Variants in TEX2 observed in about 807,000 individuals in gnomAD.
TEX2 encodes testis-expressed protein 2.
In TEX2, 53 loss-of-function variants were observed where a neutral mutation model predicts 106.9. That is an observed-to-expected ratio of 0.50 (90% CI 0.40 to 0.62). The LOEUF (loss-of-function observed/expected upper bound fraction) is 0.62. Ranked by LOEUF, TEX2 falls within the 20% of genes least tolerant of loss-of-function variation. TEX2 has a pLI of 0.00. For synonymous variants in TEX2, 523 were observed against 534.8 expected, an observed-to-expected ratio of 0.98 and a Z score of 0.30; for missense variants, 1,207 against 1,379.0, an observed-to-expected ratio of 0.88 and a Z score of 1.98.
chr17:64,188,405 A>C lies in TEX2; in HGVS notation c.2187T>G (p.Pro729=). The C allele has an allele frequency of 1.2e-6, 2 of 1,614,220 alleles. No individual in the cohort carries two copies. The highest frequency in any genetic ancestry group is 1.7e-6 in the Non-Finnish European group (2 of 1,180,034). The change falls in exon 5 of 12, where the codon CCT becomes CCG. Residue 729 remains proline (P), a synonymous_variant. Coordinates refer to ENST00000584379, the MANE Select transcript of TEX2 (RefSeq NM_001288732.2). ...GVSGGKPGLL[P]AHSRHNSPSG... ...ACGGACTGTTGTGTCTGCTGTGTGC[A>C]GGCAAAAGCCCTGGAGCCAAGAAGA... is the stretch of plus-strand genomic sequence containing the variant.
intron 5 of TEX2, 51 bp from the exon 6 acceptor site, chr17:64,177,522 G>A: frequency 6.3e-7 from 1 of 1,586,038 alleles, no homozygotes; most frequent in Non-Finnish European, 8.6e-7. Context: ...TGGAGAATAA[G>A]ACAGGTGCTT....
chr17:64,233,086 G>A (rs1040718689), intron 1 of TEX2, among the ~76,000 whole-genome samples: 2 of 152,194 alleles, frequency 1.3e-5, no homozygotes, highest in Non-Finnish European at 2.9e-5. Flanking sequence ...TATCATGATT[G>A]TGGAGTTTCA....
At chr17:64,230,055 G>A (rs1034892622) in intron 1 of TEX2, among the ~76,000 whole-genome samples, 8 of 152,162 alleles carry the variant, frequency 5.3e-5, no homozygotes, top group Non-Finnish European at 1.0e-4. Flanking sequence ...GTTATTTATA[G>A]GTAAGGCATC....
chr17:64,181,041 C>T (rs976315438), intron 5 of TEX2, among the ~76,000 whole-genome samples: 6 of 152,302 alleles, frequency 3.9e-5, no homozygotes, highest in Middle Eastern at 3.4e-3. Context: ...ATTATAAAAA[C>T]AATGCATATT....
Position 64,151,041 on chromosome 17 carries a change from T to A in TEX2, c.3141-80A>T. ...GCACTGACAGCAAACAGTTCTCATTTACATGGGGCTTTATCACTACTTAAA... is the reference window on the plus strand; with the variant it reads ...GCACTGACAGCAAACAGTTCTCATTAACATGGGGCTTTATCACTACTTAAA... On this transcript the variant is annotated intron_variant, in intron 10 of 11. Coordinates refer to ENST00000584379, the MANE Select transcript of TEX2 (RefSeq NM_001288732.2). 3 of 1,474,206 alleles carry A rather than the reference T, an allele frequency of 2.0e-6. No homozygotes were observed. The East Asian group carries it at 6.9e-5, about 34-fold the overall frequency. 91.3% of individuals were successfully genotyped at this position (1,474,206 alleles called of 1,614,324 possible). A position where few individuals can be genotyped will look rare whatever the true frequency, so the allele number is the denominator to read the frequency against.
chr17:64,214,191 G>A lies in TEX2; in HGVS notation c.27C>T (p.Ala9=), dbSNP rs369722027. The A allele has an allele frequency of 2.0e-5, 32 of 1,613,792 alleles. No individual in the cohort carries two copies. Among genetic ancestry groups the A allele is most frequent in the South Asian group, 4.4e-5 (4 of 91,082 alleles). The change falls in exon 2 of 12, where the codon GCC becomes GCT. Residue 9 remains alanine, a synonymous_variant. Coordinates refer to ENST00000584379, the MANE Select transcript of TEX2 (RefSeq NM_001288732.2). MTSLYGRH[A]EKTTDMPKPS... ...GTTTTGGCATGTCAGTGGTTTTCTCGGCATGGCGACCATACAGACTTGTCA... is the reference window on the plus strand; with the variant it reads ...GTTTTGGCATGTCAGTGGTTTTCTCAGCATGGCGACCATACAGACTTGTCA...
Position 64,197,679 on chromosome 17 carries a change from C to T in TEX2, c.1645-2584G>A, listed in dbSNP as rs1174215805. The stretch of plus-strand genomic sequence containing the variant: ...GCTCAATTAATCCTCCCACCTCAGC[C>T]TCCCAAGTAGCAAGGGCTACAGATA... On this transcript the variant is annotated intron_variant, in intron 2 of 11. Coordinates refer to ENST00000584379, the MANE Select transcript of TEX2 (RefSeq NM_001288732.2). Among the ~76,000 whole-genome samples, 3 of 152,158 alleles carry T rather than the reference C, an allele frequency of 2.0e-5. No homozygotes were observed. In the East Asian group the frequency reaches 5.8e-4, roughly 29 times the overall value.
At chr17:64,229,119 A>G (rs1384688504) in intron 1 of TEX2, among the ~76,000 whole-genome samples, 1 of 152,234 alleles carries the variant, frequency 6.6e-6, no homozygotes, top group Non-Finnish European at 1.5e-5. Flanking sequence ...AAGAAAGTCT[A>G]TCTGTAGGAT....
At chr17:64,242,445 CT>C (rs1555635862) in intron 1 of TEX2, 1 of 152,102 alleles carries the variant, frequency 6.6e-6, no homozygotes, top group East Asian at 1.9e-4. Context: ...GAAAAGGATC[CT>C]TCCAGAAAAG....
At position 64,151,581 on chromosome 17, in the gene TEX2, A is replaced by G. The variant is rs550372013; in HGVS notation, c.3141-620T>C. On this transcript the variant is annotated intron_variant, in intron 10 of 11. Transcript: ENST00000584379. ...AGACCCTGTATGCTATCAACTATCT[A>G]AAACCTTAAATCTGTCCTGGACCAG... 9.1e-4 allele frequency among the ~76,000 whole-genome samples: 139 copies of G among 152,354 alleles called. 1 individual carries two copies. The South Asian group carries it at 0.027, about 30-fold the overall frequency.
intron 2 of TEX2, among the ~76,000 whole-genome samples, chr17:64,202,498 C>T (rs1260212494): frequency 6.6e-6 from 1 of 152,214 alleles, no homozygotes; most frequent in African/African-American, 2.4e-5. Flanking sequence ...CCATTTCCCC[C>T]CACCCAGGAT....
chr17:64,213,327 G>A lies in TEX2; in HGVS notation c.891C>T (p.Val297=). ...TAAGGAGCTGAAAAGGCTCATAGAT[G>A]ACTTCTGAAAGGCGTCGTTTAGTAT... ...IEDTKRRLSE[V]IYEPFQLLSK... Residue 297 remains valine, a synonymous_variant, in exon 2 of 12, where the codon GTC becomes GTT. Coordinates refer to ENST00000584379, the MANE Select transcript of TEX2 (RefSeq NM_001288732.2). The surrounding 1 kb of genome is among the most constrained non-coding windows in gnomAD (Gnocchi z 4.4). The A allele has an allele frequency of 6.2e-7, 1 of 1,614,032 alleles. No homozygotes were observed. Among genetic ancestry groups the A allele is most frequent in the Non-Finnish European group, 8.5e-7 (1 of 1,180,038 alleles).
At chr17:64,208,194 G>GA (rs1204069304) in intron 2 of TEX2, among the ~76,000 whole-genome samples, 1 of 152,040 alleles carries the variant, frequency 6.6e-6, no homozygotes, top group Non-Finnish European at 1.5e-5. Flanking sequence ...TCCACTTTCA[G>GA]AAAAAAAGCT....
chr17:64,179,798 C>T (rs1430545499), intron 5 of TEX2, among the ~76,000 whole-genome samples: 2 of 151,930 alleles, frequency 1.3e-5, no homozygotes, highest in Non-Finnish European at 2.9e-5. Context: ...AAAAAGAAAG[C>T]ATGCTGGTCA....
chr17:64,222,326 C>G (rs577448517), intron 1 of TEX2, among the ~76,000 whole-genome samples: 1 of 152,086 alleles, frequency 6.6e-6, no homozygotes, highest in Admixed American at 6.6e-5. Context: ...TGAGACCATC[C>G]TGGCCAACAT....
At chr17:64,169,773 C>A (rs1389313760) in intron 7 of TEX2, among the ~76,000 whole-genome samples, 2 of 152,200 alleles carry the variant, frequency 1.3e-5, no homozygotes, top group Non-Finnish European at 2.9e-5. Context: ...CCATGCTCTA[C>A]AAATTTTATA....
chr17:64,232,008 C>T (rs1555634692), intron 1 of TEX2, among the ~76,000 whole-genome samples: 1 of 152,216 alleles, frequency 6.6e-6, no homozygotes, highest in East Asian at 1.9e-4. Flanking sequence ...TCTCTAATCA[C>T]CAGCACTGGA....
chr17:64,238,222 C>T (rs2033813162), intron 1 of TEX2, among the ~76,000 whole-genome samples: 1 of 152,098 alleles, frequency 6.6e-6, no homozygotes, highest in Admixed American at 6.5e-5. Flanking sequence ...ATCGCTTGAC[C>T]CTGGAGGTGG....
At chr17:64,245,756 T>C (rs1255097276) in intron 1 of TEX2, among the ~76,000 whole-genome samples, 1 of 149,422 alleles carries the variant, frequency 6.7e-6, no homozygotes, top group Non-Finnish European at 1.5e-5. Context: ...GTCTGTGTCA[T>C]AGGGATACGA....
Sources: gnomAD v4.1 joint callset for allele counts (sites outside exome capture counted in the v4.1 genomes callset) on GRCh38, gnomAD v4.1.1 for gene constraint, Gnocchi (gnomAD v3.1) non-coding constraint, MANE v1.5 for transcripts, NCBI Gene and HGNC (gene_info 2026-07-23, HGNC 2026-07-21) for gene names.